The following PTBP2 variants were observed in gnomAD, a reference collection of about 807,000 sequenced individuals.
PTBP2 encodes the protein polypyrimidine tract binding protein 2.
A neutral mutation model predicts 61.4 loss-of-function variants in PTBP2; 13 were observed. The ratio of observed to expected loss-of-function variants is 0.21; its 90% CI spans 0.14 to 0.34. The LOEUF is 0.34. Ranked by LOEUF, PTBP2 falls within the 10% of genes least tolerant of loss-of-function variation. The pLI, the probability that PTBP2 is intolerant of heterozygous loss-of-function variation, is 1.00. For synonymous variants in PTBP2, 215 were observed against 218.5 expected, an observed-to-expected ratio of 0.98 and a Z score of 0.14; for missense variants, 405 against 642.6, an observed-to-expected ratio of 0.63 and a Z score of 4.00.
At chr1:96,799,476 T>G (rs1178244211) in intron 8 of PTBP2, among the ~76,000 whole-genome samples, 1 of 151,844 alleles carries the variant, frequency 6.6e-6, no homozygotes, top group Admixed American at 6.6e-5. Flanking sequence ...TTTTGTATGT[T>G]TAGTAGAGAT....
intron 11 of PTBP2, among the ~76,000 whole-genome samples, chr1:96,811,706 G>A (rs1662102413): frequency 6.6e-6 from 1 of 152,162 alleles, no homozygotes; most frequent in African/African-American, 2.4e-5. Flanking sequence ...GTGAGCCAAC[G>A]CGCCCGGCAT....
intron 2 of PTBP2, among the ~76,000 whole-genome samples, chr1:96,750,842 C>G (rs752868116): frequency 6.6e-6 from 1 of 151,962 alleles, no homozygotes; most frequent in Admixed American, 6.6e-5. Context: ...GTGCAGTTAC[C>G]GAAGAGATGA....
intron 9 of PTBP2, among the ~76,000 whole-genome samples, chr1:96,805,522 CCCCT>C (rs1411360776): frequency 6.6e-6 from 1 of 151,792 alleles, no homozygotes; most frequent in Non-Finnish European, 1.5e-5. Flanking sequence ...TCCTTACCAC[CCCCT>C]CCACCCAGTT....
chr1:96,819,179 C>A (rs1057459151), downstream of PTBP2: 3 of 151,852 alleles, frequency 2.0e-5, no homozygotes, highest in African/African-American at 7.2e-5. Flanking sequence ...TCATAAATAG[C>A]TTTTCTATTA....
At chr1:96,724,522 C>G (rs1014574849) in intron 2 of PTBP2, among the ~76,000 whole-genome samples, 5 of 152,108 alleles carry the variant, frequency 3.3e-5, no homozygotes, top group African/African-American at 1.2e-4. Flanking sequence ...GCCTTGACCT[C>G]CCAAAGTGCT....
At chr1:96,794,690 T>TA (rs1199108712) in intron 8 of PTBP2, among the ~76,000 whole-genome samples, 11 of 152,200 alleles carry the variant, frequency 7.2e-5, no homozygotes, top group African/African-American at 2.2e-4. Flanking sequence ...ACAGAAAACA[T>TA]ATGAGTTAGA....
chr1:96,775,101 G>A (rs1657885554), intron 5 of PTBP2, among the ~76,000 whole-genome samples: 1 of 152,014 alleles, frequency 6.6e-6, no homozygotes, highest in South Asian at 2.1e-4. Context: ...CCCCTGATAA[G>A]CAAAGAGTAG....
intron 5 of PTBP2, 33 bp downstream of exon 5, chr1:96,770,884 C>G (rs1197414659): frequency 6.6e-7 from 1 of 1,506,980 alleles, no homozygotes; most frequent in Admixed American, 1.7e-5. Context: ...ATAAAATGGC[C>G]TAGAACATAT....
At chr1:96,810,451 C>T (rs1661964765) in intron 11 of PTBP2, among the ~76,000 whole-genome samples, 1 of 152,112 alleles carries the variant, frequency 6.6e-6, no homozygotes, top group African/African-American at 2.4e-5. Context: ...CCCTTTAGAT[C>T]ACTTCAGATC....
intron 3 of PTBP2, among the ~76,000 whole-genome samples, chr1:96,757,545 T>C (rs1402490589): frequency 6.6e-6 from 1 of 152,196 alleles, no homozygotes; most frequent in Non-Finnish European, 1.5e-5. Flanking sequence ...AGTACAGTCC[T>C]AGCCCCCAAA....
At chr1:96,725,451 C>G (rs1650286858) in intron 2 of PTBP2, among the ~76,000 whole-genome samples, 1 of 152,020 alleles carries the variant, frequency 6.6e-6, no homozygotes, top group Non-Finnish European at 1.5e-5. Context: ...AGGCGCCCAC[C>G]ACCACGCCCG....
chr1:96,744,599 A>T (rs1311572074), intron 2 of PTBP2, among the ~76,000 whole-genome samples: 1 of 152,184 alleles, frequency 6.6e-6, no homozygotes, highest in African/African-American at 2.4e-5. Context: ...GTCATTTAGT[A>T]TGTCATGTAT....
In PTBP2 at chr1:96,741,989, A is replaced by G. The variant is rs1405939137; in HGVS notation, c.40-9436A>G. ...TATGGCATCAGCATTAAGTTTTGGAATCTTGTACAGTGAGTGTCAAAACTT... is the reference window on the plus strand; with the variant it reads ...TATGGCATCAGCATTAAGTTTTGGAGTCTTGTACAGTGAGTGTCAAAACTT... On this transcript the variant is annotated intron_variant, in intron 2 of 13. Transcript: ENST00000674951. Among the ~76,000 whole-genome samples, 5 of 152,284 alleles carry G rather than the reference A, an allele frequency of 3.3e-5. No homozygotes were observed. In the East Asian group the frequency reaches 9.6e-4, roughly 29 times the overall value.
At chr1:96,737,591 G>A (rs76959253) in intron 2 of PTBP2, among the ~76,000 whole-genome samples, 12,437 of 152,186 alleles carry the variant, frequency 0.082, 573 homozygotes, top group African/African-American at 0.1. Context: ...AGGAAAGAGT[G>A]GCATTGTTTT....
At chr1:96,741,449 A>G (rs1208947881) in intron 2 of PTBP2, among the ~76,000 whole-genome samples, 2 of 151,990 alleles carry the variant, frequency 1.3e-5, no homozygotes, top group African/African-American at 2.4e-5. Flanking sequence ...TTTTGTAGAG[A>G]TGGAGTCTCA....
chr1:96,752,469 C>T (rs1654669761), intron 3 of PTBP2, among the ~76,000 whole-genome samples: 1 of 151,880 alleles, frequency 6.6e-6, no homozygotes, highest in Non-Finnish European at 1.5e-5. Flanking sequence ...ATTCAGTTAA[C>T]TAAAAATTAT....
At chr1:96,804,741 C>T (rs1405047784) in intron 8 of PTBP2, 59 bp from the exon 9 acceptor site, 15 of 1,511,876 alleles carry the variant, frequency 9.9e-6, no homozygotes, top group African/African-American at 8.3e-5. Flanking sequence ...TTTTTGTAAA[C>T]GACTTGTGTG....
At chr1:96,736,827 C>T (rs1652259156) in intron 2 of PTBP2, among the ~76,000 whole-genome samples, 1 of 152,010 alleles carries the variant, frequency 6.6e-6, no homozygotes, top group South Asian at 2.1e-4. Flanking sequence ...CAGTTGTGTG[C>T]CACCACACCT....
intron 1 of PTBP2, 132 bp from the exon 2 acceptor site, chr1:96,723,430 ATT>A (rs553569838): frequency 1.6e-6 from 1 of 632,642 alleles, no homozygotes; most frequent in African/African-American, 1.8e-5. Flanking sequence ...CATCTGTGGT[ATT>A]TTTTATCCCC....
Sources: allele counts gnomAD v4.1 joint callset (sites outside exome capture counted in the v4.1 genomes callset), GRCh38; gene constraint gnomAD v4.1.1; transcripts MANE v1.5; gene names NCBI Gene and HGNC (gene_info 2026-07-23, HGNC 2026-07-21).